Variants in EPS15L1 observed in about 807,000 individuals in gnomAD.
The protein encoded by EPS15L1 is epidermal growth factor receptor pathway substrate 15 like 1, also known as epidermal growth factor receptor substrate 15-like 1.
In EPS15L1, 43 loss-of-function variants were observed where a neutral mutation model predicts 117.1. That is an observed-to-expected ratio of 0.37 (90% CI 0.29 to 0.47). EPS15L1 has a LOEUF of 0.47. EPS15L1 is among the 20% of genes least tolerant of loss of function. The pLI is 0.99. For synonymous variants in EPS15L1, 459 were observed against 470.5 expected (o/e 0.98, Z 0.32); for missense variants, 981 against 1,164.0 (o/e 0.84, Z 2.29).
chr19:16,363,350 T>A (rs563522369), intron 22 of EPS15L1, among the ~76,000 whole-genome samples: 28 of 152,326 alleles, frequency 1.8e-4, no homozygotes, highest in African/African-American at 6.3e-4. Flanking sequence ...GATCTCTGGC[T>A]GCACCTCCAG....
intron 6 of EPS15L1, among the ~76,000 whole-genome samples, chr19:16,435,527 A>C (rs2092970312): frequency 6.6e-6 from 1 of 152,170 alleles, no homozygotes; most frequent in African/African-American, 2.4e-5. Context: ...CAACCACAAT[A>C]AAAATTTTTT....
At chr19:16,436,826 A>G in intron 6 of EPS15L1, 111 bp downstream of exon 6, 1 of 849,676 alleles carries the variant, frequency 1.2e-6, no homozygotes, top group South Asian at 1.7e-5. Flanking sequence ...CATCCTATAA[A>G]ATGTTCTGAA....
rs767245218 is a variant in EPS15L1, at chr19:16,412,962, GA to G, written c.1266+810del. 87 of 669,282 alleles carry G rather than the reference GA, an allele frequency of 1.3e-4. 1 individual carries two copies. The highest frequency in any genetic ancestry group is 2.4e-4 in the Non-Finnish European group (86 of 362,016). 41.5% of individuals were successfully genotyped at this position (669,282 alleles called of 1,614,324 possible). A position where few individuals can be genotyped will look rare whatever the true frequency, so the allele number is the denominator to read the frequency against. On this transcript the variant is annotated intron_variant, in intron 13 of 23. Transcript: ENST00000455140. ...GCTATCTCTTCTCCCGCCCATCAAGGAATCTGAGATCATTGACTTTTGCCTG... is the reference window on the plus strand; with the variant it reads ...GCTATCTCTTCTCCCGCCCATCAAGGATCTGAGATCATTGACTTTTGCCTG...
chr19:16,428,059 G>C (rs927461374), intron 8 of EPS15L1, among the ~76,000 whole-genome samples: 1 of 149,284 alleles, frequency 6.7e-6, no homozygotes, highest in Non-Finnish European at 1.5e-5. Flanking sequence ...AAATGAGGTG[G>C]GCATAGTGGC....
chr19:16,377,993 A>G (rs2092316680), intron 21 of EPS15L1, among the ~76,000 whole-genome samples: 1 of 152,220 alleles, frequency 6.6e-6, no homozygotes, highest in South Asian at 2.1e-4. Flanking sequence ...AGAGAGAGAC[A>G]GTCAGAGATA....
At chr19:16,379,262 G>A (rs769586329) in intron 21 of EPS15L1, among the ~76,000 whole-genome samples, 6 of 152,100 alleles carry the variant, frequency 3.9e-5, no homozygotes, top group Non-Finnish European at 8.8e-5. Context: ...CTGAGATCCC[G>A]CCACAGCAGC....
At chr19:16,369,890 G>C (rs949742083) in intron 22 of EPS15L1, among the ~76,000 whole-genome samples, 4 of 152,206 alleles carry the variant, frequency 2.6e-5, no homozygotes, top group African/African-American at 9.7e-5. Context: ...ATCCTCTGGG[G>C]GGATTTCCAG....
At chr19:16,372,457 T>G (rs1051979127) in intron 22 of EPS15L1, among the ~76,000 whole-genome samples, 9 of 152,192 alleles carry the variant, frequency 5.9e-5, no homozygotes, top group African/African-American at 2.2e-4. Context: ...CAAACTCACA[T>G]TTGGTCCTGT....
chr19:16,405,139 C>A lies in EPS15L1; in HGVS notation c.1267-390G>T, dbSNP rs944959696. Among the ~76,000 whole-genome samples the A allele has an allele frequency of 6.6e-6, 1 of 152,192 alleles. No homozygotes were observed. The highest frequency in any genetic ancestry group is 6.5e-5 in the Admixed American group (1 of 15,280). ...GGTCACAGGGAAACTACAGTCACAC[C>A]TTGTGGGCAGGGAAGATGCCCACAA... On this transcript the variant is annotated intron_variant, in intron 13 of 23. Coordinates refer to ENST00000455140, the MANE Select transcript of EPS15L1 (RefSeq NM_001258374.3). The surrounding 1 kb of genome is among the most constrained non-coding windows in gnomAD (Gnocchi z 4.0).
In EPS15L1 at chr19:16,405,465, G is replaced by A. The variant is rs1394511709; in HGVS notation, c.1267-716C>T. ...TGGGATGGATCCAGATGGTCAGCCC[G>A]AGGCTCCAATGCCCCATGATTCCAC... On this transcript the variant is annotated intron_variant, in intron 13 of 23. Transcript: ENST00000455140. The surrounding 1 kb of genome is among the most constrained non-coding windows in gnomAD (Gnocchi z 4.0). 6.6e-6 allele frequency among the ~76,000 whole-genome samples: 1 copy of A among 152,174 alleles called. No individual in the cohort carries two copies. Among genetic ancestry groups the A allele is most frequent in the Non-Finnish European group, 1.5e-5 (1 of 68,038 alleles).
chr19:16,419,473 A>T (rs553228695), intron 10 of EPS15L1, among the ~76,000 whole-genome samples: 52 of 152,168 alleles, frequency 3.4e-4, no homozygotes, highest in African/African-American at 1.2e-3. Context: ...AAAAAATAAA[A>T]AAATGAGGAG....
chr19:16,385,361 TC>T (rs1385582734), intron 20 of EPS15L1, 150 bp from the exon 21 acceptor site: 8 of 668,548 alleles, frequency 1.2e-5, no homozygotes, highest in African/African-American at 1.8e-5. Context: ...TGAAGGCCTC[TC>T]AGCAAGGCCC....
chr19:16,390,684 TTATAA>T (rs1352141951), intron 19 of EPS15L1, among the ~76,000 whole-genome samples: 3 of 152,124 alleles, frequency 2.0e-5, no homozygotes, highest in Admixed American at 1.3e-4. Flanking sequence ...AATAATAGTA[TTATAA>T]TATACCTAGG....
At chr19:16,363,982 C>T (rs2144641199) in intron 22 of EPS15L1, among the ~76,000 whole-genome samples, 1 of 152,362 alleles carries the variant, frequency 6.6e-6, no homozygotes, top group Admixed American at 6.5e-5. Context: ...GCCCGTCCCA[C>T]AGGGTTCCAC....
chr19:16,445,590 A>C (rs1568458401), intron 1 of EPS15L1, among the ~76,000 whole-genome samples: 1 of 152,262 alleles, frequency 6.6e-6, no homozygotes, highest in Non-Finnish European at 1.5e-5. Context: ...CTGAAGACAC[A>C]TGTTGCTAAT....
Position 16,471,830 on chromosome 19 carries a change from G to T in EPS15L1, c.33+83C>A. On this transcript the variant is annotated intron_variant, in intron 1 of 23. Transcript: ENST00000455140. The surrounding 1 kb of genome is among the most constrained non-coding windows in gnomAD (Gnocchi z 4.8). Reference sequence around the variant, plus strand: ...GCCGCCCCCGCCGCCGCCTGGCTGAGTCTCCCAGCGCCTCAGCCTCGCCGC... The same window carrying T: ...GCCGCCCCCGCCGCCGCCTGGCTGATTCTCCCAGCGCCTCAGCCTCGCCGC... The T allele has an allele frequency of 1.3e-6, 1 of 752,654 alleles. No individual in the cohort carries two copies. Among genetic ancestry groups the T allele is most frequent in the Non-Finnish European group, 1.8e-6 (1 of 560,130 alleles). 46.6% of individuals were successfully genotyped at this position (752,654 alleles called of 1,614,324 possible). A position where few individuals can be genotyped will look rare whatever the true frequency, so the allele number is the denominator to read the frequency against.
rs1204955600 is a variant in EPS15L1 at position 16,395,283 on chromosome 19, C to T, written c.1915+61G>A. On this transcript the variant is annotated intron_variant, in intron 17 of 23. Transcript: ENST00000455140. ...CCTTACTTTTCTAGTTGAAGAACCA[C>T]TCTAAATTCGACATAAAACACACAG... 1.0e-5 allele frequency: 16 copies of T among 1,535,776 alleles called. No homozygotes were observed. In the South Asian group the frequency reaches 1.8e-4, roughly 17 times the overall value.
At chr19:16,457,479 C>T (rs570001920) in intron 1 of EPS15L1, among the ~76,000 whole-genome samples, 1 of 152,254 alleles carries the variant, frequency 6.6e-6, no homozygotes, top group Non-Finnish European at 1.5e-5. Context: ...AAAGCAGTGC[C>T]AGAGACAGGC....
chr19:16,415,865 G>A (rs915383996), intron 12 of EPS15L1, among the ~76,000 whole-genome samples: 1 of 152,198 alleles, frequency 6.6e-6, no homozygotes, highest in Non-Finnish European at 1.5e-5. Flanking sequence ...CTGATTCTCA[G>A]GCCTGCCCAG....
Sources: gnomAD v4.1 joint callset for allele counts (sites outside exome capture counted in the v4.1 genomes callset) on GRCh38, gnomAD v4.1.1 for gene constraint, Gnocchi (gnomAD v3.1) non-coding constraint, MANE v1.5 for transcripts, NCBI Gene and HGNC (gene_info 2026-07-23, HGNC 2026-07-21) for gene names.